Variants in FBXL17 observed in about 807,000 individuals in gnomAD.
FBXL17 encodes the protein F-box and leucine rich repeat protein 17, also known as F-box/LRR-repeat protein 17.
FBXL17 carries 22 observed loss-of-function variants against 66.2 expected under a neutral mutation model. That is an observed-to-expected ratio of 0.33 (90% CI 0.24 to 0.47). The LOEUF is 0.47. Among genes scored for constraint, FBXL17 ranks in the 20% least tolerant of loss-of-function variants. FBXL17 has a pLI of 1.00. For synonymous variants in FBXL17, 474 were observed against 400.5 expected (o/e 1.18, Z -2.19); for missense variants, 878 against 948.2 (o/e 0.93, Z 0.97).
intron 4 of FBXL17, among the ~76,000 whole-genome samples, chr5:108,342,738 C>T (rs558688905): frequency 6.6e-6 from 1 of 152,270 alleles, no homozygotes; most frequent in African/African-American, 2.4e-5. Context: ...AAAATAGCTA[C>T]CTCATGTGGT....
Position 108,217,633 on chromosome 5 carries a change from C to T in FBXL17, c.1614+6488G>A, listed in dbSNP as rs1754663803. 4.0e-5 allele frequency among the ~76,000 whole-genome samples: 6 copies of T among 151,782 alleles called. No individual in the cohort carries two copies. In the Admixed American group the frequency reaches 4.0e-4, roughly 10 times the overall value. On this transcript the variant is annotated intron_variant, in intron 5 of 8. Transcript: ENST00000542267. ...TTCAAGTATACAATATAGTTACTTA[C>T]TATAGTAAATATGTACTATATGTAC...
intron 6 of FBXL17, among the ~76,000 whole-genome samples, chr5:108,122,681 T>C (rs1203214439): frequency 1.3e-5 from 2 of 152,252 alleles, no homozygotes; most frequent in South Asian, 2.1e-4. Context: ...TTGAGTAACA[T>C]ATACTCAAAG....
At chr5:108,166,533 GT>G (rs1752423298) in intron 6 of FBXL17, among the ~76,000 whole-genome samples, 1 of 152,168 alleles carries the variant, frequency 6.6e-6, no homozygotes, top group Non-Finnish European at 1.5e-5. Flanking sequence ...GTGCTGATCT[GT>G]TAGTTGTAAG....
chr5:107,897,692 T>C (rs1749428173), intron 7 of FBXL17, among the ~76,000 whole-genome samples: 2 of 152,176 alleles, frequency 1.3e-5, no homozygotes, highest in South Asian at 4.2e-4. Flanking sequence ...CACATGGTAC[T>C]TTTTGAAAAG....
chr5:108,038,774 A>G (rs1217678462), intron 6 of FBXL17, among the ~76,000 whole-genome samples: 1 of 152,102 alleles, frequency 6.6e-6, no homozygotes, highest in African/African-American at 2.4e-5. Flanking sequence ...ATAATTGTAA[A>G]AATTTAGAGA....
intron 6 of FBXL17, among the ~76,000 whole-genome samples, chr5:108,099,675 A>C (rs12652643): frequency 0.12 from 18,330 of 152,164 alleles, 1,337 homozygotes; most frequent in Admixed American, 0.16. Flanking sequence ...GAGGGAGGAC[A>C]TATTTCACAT....
At chr5:108,009,232 T>TATATATATAC (rs1298294744) in intron 7 of FBXL17, among the ~76,000 whole-genome samples, 3 of 19,000 alleles carry the variant, frequency 1.6e-4, no homozygotes, top group African/African-American at 5.6e-4. Flanking sequence ...TATATATATA[T>TATATATATAC]ACAGCTTGGT....
At chr5:108,134,037 A>C (rs1751040014) in intron 6 of FBXL17, among the ~76,000 whole-genome samples, 1 of 152,138 alleles carries the variant, frequency 6.6e-6, no homozygotes, top group Non-Finnish European at 1.5e-5. Context: ...TGTCCTTATT[A>C]GCTGTTTTGA....
rs1554080840 is a variant in FBXL17, at chr5:107,871,069, A to AAACAAAAAAAAAAC, written c.1966-9210_1966-9209insGTTTTTTTTTTGTT. 1.1e-4 allele frequency among the ~76,000 whole-genome samples: 14 copies of AAACAAAAAAAAAAC among 130,236 alleles called. 1 individual carries two copies. Among genetic ancestry groups the AAACAAAAAAAAAAC allele is most frequent in the East Asian group, 8.3e-4 (4 of 4,846 alleles). The allele number at this position is 130,236 out of a possible 152,430, so 85.4% of individuals were successfully genotyped here. ...TACTCTTGGGCGGCAAAAAAAAAAA[A>AAACAAAAAAAAAAC]AAAAAAAAAACCTCATCTAAAAATC... On this transcript the variant is annotated intron_variant, in intron 8 of 8. Coordinates refer to ENST00000542267, the MANE Select transcript of FBXL17 (RefSeq NM_001163315.3).
chr5:108,355,047 A>G (rs1396877475), intron 3 of FBXL17, among the ~76,000 whole-genome samples: 3 of 152,090 alleles, frequency 2.0e-5, no homozygotes, highest in African/African-American at 4.8e-5. Flanking sequence ...AAGGAAAATG[A>G]CACAGGTCAA....
chr5:107,943,805 G>C (rs1554050841), intron 7 of FBXL17, among the ~76,000 whole-genome samples: 1 of 152,154 alleles, frequency 6.6e-6, no homozygotes, highest in Non-Finnish European at 1.5e-5. Flanking sequence ...GTCCTTCAGA[G>C]AAAGTTTGTC....
intron 4 of FBXL17, among the ~76,000 whole-genome samples, chr5:108,224,714 C>T (rs1755023486): frequency 6.6e-6 from 1 of 152,126 alleles, no homozygotes; most frequent in African/African-American, 2.4e-5. Context: ...GCCTCAGCCT[C>T]CCAAGTAGCT....
rs969502475 is a variant in FBXL17, at chr5:108,061,783, A to T, written c.1746-40782T>A. On this transcript the variant is annotated intron_variant, in intron 6 of 8. Coordinates refer to ENST00000542267, the MANE Select transcript of FBXL17 (RefSeq NM_001163315.3). Reference sequence around the variant, plus strand: ...GTCCAAGAATCCTCAGTATTTTCACAGGTATATATATTTAATTAAAACCAT... The same window carrying T: ...GTCCAAGAATCCTCAGTATTTTCACTGGTATATATATTTAATTAAAACCAT... 5.9e-5 allele frequency among the ~76,000 whole-genome samples: 9 copies of T among 152,124 alleles called. No homozygotes were observed. In the East Asian group the frequency reaches 1.7e-3, roughly 29 times the overall value.
chr5:107,910,523 A>T (rs1434516933), intron 7 of FBXL17, among the ~76,000 whole-genome samples: 1 of 152,104 alleles, frequency 6.6e-6, no homozygotes, highest in African/African-American at 2.4e-5. Context: ...GATGCCTCAA[A>T]CATTCCCAAT....
chr5:107,917,563 T>C (rs1393943215), intron 7 of FBXL17, among the ~76,000 whole-genome samples: 1 of 152,200 alleles, frequency 6.6e-6, no homozygotes, highest in African/African-American at 2.4e-5. Flanking sequence ...CAGGGTTAGC[T>C]CATTGACACT....
chr5:108,358,546 C>T (rs1748142932), intron 3 of FBXL17, among the ~76,000 whole-genome samples: 2 of 151,978 alleles, frequency 1.3e-5, no homozygotes, highest in African/African-American at 2.4e-5. Context: ...TAGTAGGTTA[C>T]GGTGTAGAAT....
intron 5 of FBXL17, among the ~76,000 whole-genome samples, chr5:108,193,965 C>T (rs894203825): frequency 6.6e-6 from 1 of 152,048 alleles, no homozygotes; most frequent in Non-Finnish European, 1.5e-5. Flanking sequence ...TTTTACGGCC[C>T]GCTTCTCCTC....
intron 7 of FBXL17, among the ~76,000 whole-genome samples, chr5:107,915,774 C>G (rs1420186815): frequency 1.3e-5 from 2 of 152,304 alleles, no homozygotes; most frequent in Non-Finnish European, 2.9e-5. Flanking sequence ...AACCAAATAC[C>G]TTAATCCAAA....
At chr5:108,283,199 T>A (rs561025357) in intron 4 of FBXL17, among the ~76,000 whole-genome samples, 5 of 151,710 alleles carry the variant, frequency 3.3e-5, no homozygotes, top group Non-Finnish European at 7.4e-5. Context: ...GCCAAAGCAA[T>A]CTTGAACAAA....
Sources: allele counts gnomAD v4.1 joint callset (sites outside exome capture counted in the v4.1 genomes callset), GRCh38; gene constraint gnomAD v4.1.1; transcripts MANE v1.5; gene names NCBI Gene and HGNC (gene_info 2026-07-23, HGNC 2026-07-21).